The following FSHR variants were observed in gnomAD, a reference collection of about 807,000 sequenced individuals.
The protein encoded by FSHR is follicle-stimulating hormone receptor.
In FSHR, 46 loss-of-function variants were observed where a neutral mutation model predicts 52.1. That is an observed-to-expected ratio of 0.88 (90% CI 0.70 to 1.13). FSHR has a LOEUF of 1.13. FSHR is among the 50% of genes most tolerant of loss of function. The probability of loss-of-function intolerance (pLI) is 0.00; values close to 1 mark genes in which losing one functional copy is unlikely to be tolerated. For synonymous variants in FSHR, 399 were observed against 309.6 expected (o/e 1.29, Z -3.03); for missense variants, 964 against 834.6 (o/e 1.16, Z -1.91).
At chr2:49,105,876 C>T (rs1671203239) in intron 1 of FSHR, among the ~76,000 whole-genome samples, 1 of 152,128 alleles carries the variant, frequency 6.6e-6, no homozygotes, top group South Asian at 2.1e-4. Flanking sequence ...CTGACTCAGA[C>T]AAGAGTTTCA....
intron 8 of FSHR, among the ~76,000 whole-genome samples, chr2:48,976,117 C>T (rs541528881): frequency 2.2e-4 from 34 of 152,020 alleles, no homozygotes; most frequent in Non-Finnish European, 3.2e-4. Flanking sequence ...ATATTGGCTG[C>T]GAGTTTGTCA....
intron 9 of FSHR, among the ~76,000 whole-genome samples, chr2:48,965,517 G>A (rs1289919965): frequency 6.6e-6 from 1 of 152,140 alleles, no homozygotes; most frequent in Non-Finnish European, 1.5e-5. Flanking sequence ...GGGAGAAGAG[G>A]GGTATCCTGT....
chr2:49,109,468 G>C (rs1671349357), intron 1 of FSHR, among the ~76,000 whole-genome samples: 1 of 152,198 alleles, frequency 6.6e-6, no homozygotes, highest in African/African-American at 2.4e-5. Flanking sequence ...TGTAGAGATA[G>C]ACTGTAGTGG....
At chr2:48,990,509 G>A (rs557996813) in intron 5 of FSHR, 57 bp downstream of exon 5, 75 of 1,127,628 alleles carry the variant, frequency 6.7e-5, no homozygotes, top group South Asian at 2.2e-4. Flanking sequence ...CCAGATAGCC[G>A]TTGGGCAAGA....
At chr2:49,004,700 T>A (rs904317776) in intron 4 of FSHR, among the ~76,000 whole-genome samples, 1 of 152,074 alleles carries the variant, frequency 6.6e-6, no homozygotes, top group Non-Finnish European at 1.5e-5. Context: ...GAGTGTCTGA[T>A]GAGGATGATA....
At position 49,079,826 on chromosome 2, in the gene FSHR, C is replaced by T. The variant is rs925787624; in HGVS notation, c.153-11536G>A. On this transcript the variant is annotated intron_variant, in intron 1 of 9. Transcript: ENST00000406846. ...TTCAGAAGACTTTTTTAAAAAAACA[C>T]ACAAAAATCCCGCACTAAAATTGAA... Among the ~76,000 whole-genome samples, 3 of 151,906 alleles carry T rather than the reference C, an allele frequency of 2.0e-5. No homozygotes were observed. The South Asian group carries it at 6.2e-4, about 32-fold the overall frequency.
intron 1 of FSHR, among the ~76,000 whole-genome samples, chr2:49,111,691 G>T (rs902357256): frequency 1.1e-4 from 17 of 152,126 alleles, no homozygotes; most frequent in Non-Finnish European, 2.5e-4. Flanking sequence ...TCTGCAGCTG[G>T]TGCTCCCCAC....
chr2:49,081,087 C>T (rs1243430777), intron 1 of FSHR, among the ~76,000 whole-genome samples: 5 of 152,136 alleles, frequency 3.3e-5, no homozygotes, highest in African/African-American at 4.8e-5. Context: ...CCTACTGTTT[C>T]TTTGTGTTCC....
chr2:48,981,629 G>A (rs1449639246), intron 8 of FSHR, among the ~76,000 whole-genome samples: 1 of 152,160 alleles, frequency 6.6e-6, no homozygotes, highest in African/African-American at 2.4e-5. Context: ...CTACCTTGAA[G>A]TGTATATTTC....
At position 49,020,099 on chromosome 2, in the gene FSHR, T is replaced by G; in HGVS notation, c.286A>C (p.Lys96Gln). 2 of 1,613,498 alleles carry G rather than the reference T, an allele frequency of 1.2e-6. No homozygotes were observed. Among genetic ancestry groups the G allele is most frequent in the Non-Finnish European group, 1.7e-6 (2 of 1,179,444 alleles). The change falls in exon 3 of 10, where the codon AAA becomes CAA. Residue 96 changes from lysine to glutamine, a missense_variant. By Grantham distance (53) the Lys-to-Gln change is moderately conservative. Transcript: ENST00000406846. ...IEADVFSNLP[K>Q]LHEIRIEKAN... ...CTTCTTGCTTACATTTCATGTAATT[T>G]GGGAAGGTTGGAGAACACATCTGCC...
At chr2:48,987,870 ACC>A (rs1491197729) in intron 6 of FSHR, among the ~76,000 whole-genome samples, 1 of 129,320 alleles carries the variant, frequency 7.7e-6, no homozygotes, top group Non-Finnish European at 1.7e-5. Flanking sequence ...ACACACACAC[ACC>A]CCTTCACTTC....
chr2:49,033,926 T>A (rs192084922), intron 2 of FSHR, among the ~76,000 whole-genome samples: 3 of 152,296 alleles, frequency 2.0e-5, no homozygotes, highest in Admixed American at 2.0e-4. Context: ...TCATATACTA[T>A]GATTTTATAG....
At chr2:49,101,899 C>T (rs1342044235) in intron 1 of FSHR, among the ~76,000 whole-genome samples, 1 of 152,088 alleles carries the variant, frequency 6.6e-6, no homozygotes, top group Non-Finnish European at 1.5e-5. Context: ...GGCAATAGGA[C>T]TGAGTGTGCT....
intron 1 of FSHR, among the ~76,000 whole-genome samples, chr2:49,133,184 G>A (rs775250305): frequency 1.6e-4 from 24 of 152,018 alleles, no homozygotes; most frequent in African/African-American, 2.2e-4. Context: ...CCAGCTGCCC[G>A]TTGCTGAGGC....
In FSHR at chr2:49,108,937, C is replaced by A. The variant is rs947179530; in HGVS notation, c.153-40647G>T. 3.9e-5 allele frequency among the ~76,000 whole-genome samples: 6 copies of A among 152,192 alleles called. No individual in the cohort carries two copies. In the East Asian group the frequency reaches 1.2e-3, roughly 29 times the overall value. ...GAAGGGAACAAAGGGACAGTTAGGA[C>A]CAAAATCCTGCCTTTTTGGTGCTCA... On this transcript the variant is annotated intron_variant, in intron 1 of 9. Transcript: ENST00000406846.
intron 2 of FSHR, among the ~76,000 whole-genome samples, chr2:49,043,128 T>A (rs1387186309): frequency 6.6e-6 from 1 of 152,156 alleles, no homozygotes; most frequent in African/African-American, 2.4e-5. Context: ...ACTCTTTCCC[T>A]TTATGGCTTC....
intron 2 of FSHR, among the ~76,000 whole-genome samples, chr2:49,036,413 A>T (rs979592240): frequency 4.0e-5 from 6 of 151,586 alleles, no homozygotes; most frequent in Admixed American, 6.6e-5. Context: ...CTATATCCTT[A>T]TTTATATGGA....
chr2:49,047,209 G>GT (rs1363446347), intron 2 of FSHR, among the ~76,000 whole-genome samples: 7 of 152,286 alleles, frequency 4.6e-5, no homozygotes, highest in Non-Finnish European at 7.4e-5. Context: ...TTTACTAAAT[G>GT]AAAAGTTACA....
At chr2:49,104,261 C>T (rs1237994739) in intron 1 of FSHR, among the ~76,000 whole-genome samples, 1 of 152,148 alleles carries the variant, frequency 6.6e-6, no homozygotes, top group Non-Finnish European at 1.5e-5. Context: ...TTAAAAGGCA[C>T]ACCTTGACTT....
Sources: gnomAD v4.1 joint callset for allele counts (sites outside exome capture counted in the v4.1 genomes callset) on GRCh38, gnomAD v4.1.1 for gene constraint, MANE v1.5 for transcripts, NCBI Gene and HGNC (gene_info 2026-07-23, HGNC 2026-07-21) for gene names.